NLGN4X: variants seen among roughly 807,000 people sequenced by gnomAD.
The protein encoded by NLGN4X is neuroligin 4 X-linked.
A neutral mutation model predicts 40.3 loss-of-function variants in NLGN4X; 3 were observed. The ratio of observed to expected loss-of-function variants is 0.07; its 90% CI spans 0.03 to 0.19. The LOEUF is 0.19. Among genes scored for constraint, NLGN4X ranks in the 10% least tolerant of loss-of-function variants. The pLI is 1.00. For synonymous variants in NLGN4X, 270 were observed against 306.8 expected, an observed-to-expected ratio of 0.88 and a Z score of 1.25; for missense variants, 382 against 708.3, an observed-to-expected ratio of 0.54 and a Z score of 5.23.
intron 1 of NLGN4X, among the ~76,000 whole-genome samples, chrX:6,176,709 C>A (rs1920958519): frequency 8.9e-6 from 1 of 112,080 alleles, no homozygotes; most frequent in Non-Finnish European, 1.9e-5. Context: ...TCTCTAGAAT[C>A]TGGAAAAGGC....
At chrX:6,086,790 C>A (rs1349181277) in intron 2 of NLGN4X, among the ~76,000 whole-genome samples, 1 of 110,635 alleles carries the variant, frequency 9.0e-6, no homozygotes, top group Non-Finnish European at 1.9e-5. Context: ...AGTCACCACG[C>A]CTGGCTAGAT....
chrX:6,121,287 T>C (rs773884854), intron 2 of NLGN4X, among the ~76,000 whole-genome samples: 2 of 102,185 alleles, frequency 2.0e-5, no homozygotes, highest in African/African-American at 3.7e-5. Flanking sequence ...AATTACCCTA[T>C]GACTAACATC....
At chrX:6,212,592 T>G (rs769606535) in intron 1 of NLGN4X, among the ~76,000 whole-genome samples, 1 of 111,785 alleles carries the variant, frequency 8.9e-6, no homozygotes, top group African/African-American at 3.2e-5. Flanking sequence ...GCCCCACTCT[T>G]AAGCTGTGGT....
At chrX:6,196,969 G>T (rs894823524) in intron 1 of NLGN4X, among the ~76,000 whole-genome samples, 7 of 111,704 alleles carry the variant, frequency 6.3e-5, no homozygotes, top group Non-Finnish European at 1.1e-4. Flanking sequence ...GATGCCATTT[G>T]GGTGCAAGGC....
chrX:5,973,692 G>A (rs1176108019), intron 3 of NLGN4X, among the ~76,000 whole-genome samples: 9 of 110,656 alleles, frequency 8.1e-5, no homozygotes, highest in African/African-American at 1.6e-4. Flanking sequence ...GTGTGGTGGC[G>A]GGCACCTGTA....
intron 1 of NLGN4X, among the ~76,000 whole-genome samples, chrX:6,198,500 T>G (rs1923325804): frequency 8.9e-6 from 1 of 111,956 alleles, no homozygotes; most frequent in South Asian, 3.7e-4. Context: ...GGACCATGAA[T>G]GTGCTGTGAG....
At chrX:5,981,631 G>T (rs2035391942) in intron 3 of NLGN4X, among the ~76,000 whole-genome samples, 1 of 110,078 alleles carries the variant, frequency 9.1e-6, no homozygotes, top group South Asian at 3.8e-4. Context: ...ATATATTTTT[G>T]AGTACACCAA....
At chrX:6,074,613 T>C (rs1263901158) in intron 2 of NLGN4X, among the ~76,000 whole-genome samples, 1 of 111,846 alleles carries the variant, frequency 8.9e-6, no homozygotes, top group Non-Finnish European at 1.9e-5. Context: ...TATCTGAGTT[T>C]GTGCCATTGT....
At chrX:6,044,579 T>C (rs2037264074) in intron 2 of NLGN4X, among the ~76,000 whole-genome samples, 1 of 110,521 alleles carries the variant, frequency 9.0e-6, no homozygotes, top group Non-Finnish European at 1.9e-5. Flanking sequence ...ACTGTAATGG[T>C]GGATTTATGT....
chrX:5,928,335 T>C (rs2033407932), intron 3 of NLGN4X, among the ~76,000 whole-genome samples: 1 of 112,025 alleles, frequency 8.9e-6, no homozygotes, highest in African/African-American at 3.2e-5. Flanking sequence ...ATATTCACAG[T>C]ATGTCTGTCT....
At chrX:5,934,361 C>A (rs947198616) in intron 3 of NLGN4X, among the ~76,000 whole-genome samples, 4 of 111,037 alleles carry the variant, frequency 3.6e-5, no homozygotes, top group African/African-American at 1.3e-4. Context: ...ACAGAGAAAA[C>A]CCCTTGTTTA....
intron 5 of NLGN4X, among the ~76,000 whole-genome samples, chrX:5,894,066 A>T (rs2031354346): frequency 8.9e-6 from 1 of 112,079 alleles, no homozygotes; most frequent in Admixed American, 9.4e-5. Context: ...TTTGCTCCAA[A>T]GGGATATTTG....
At chrX:6,111,426 C>T (rs1328282700) in intron 2 of NLGN4X, among the ~76,000 whole-genome samples, 1 of 111,181 alleles carries the variant, frequency 9.0e-6, no homozygotes, top group Non-Finnish European at 1.9e-5. Flanking sequence ...CCTGGACTTC[C>T]CAGGACCATG....
intron 1 of NLGN4X, among the ~76,000 whole-genome samples, chrX:6,225,765 G>A (rs1403686665): frequency 2.6e-5 from 2 of 75,586 alleles, no homozygotes; most frequent in East Asian, 8.6e-4. Context: ...ATTCTGAGAT[G>A]GGAGCTCACG....
At chrX:6,074,533 C>G (rs1304692113) in intron 2 of NLGN4X, among the ~76,000 whole-genome samples, 1 of 111,804 alleles carries the variant, frequency 8.9e-6, no homozygotes, top group Non-Finnish European at 1.9e-5. Flanking sequence ...GCTAGACAGT[C>G]AAGCAGAGGT....
At chrX:5,916,744 C>T (rs1300444115) in intron 3 of NLGN4X, among the ~76,000 whole-genome samples, 2 of 112,253 alleles carry the variant, frequency 1.8e-5, no homozygotes, top group African/African-American at 6.5e-5. Context: ...CCACTGCGTC[C>T]AGCCCATTTG....
intron 2 of NLGN4X, among the ~76,000 whole-genome samples, chrX:6,067,064 G>A (rs1423504442): frequency 1.8e-5 from 2 of 110,967 alleles, no homozygotes; most frequent in African/African-American, 6.6e-5. Flanking sequence ...AACTAGGATT[G>A]TACCACTGCA....
At chrX:5,990,596 T>G (rs187725176) in intron 3 of NLGN4X, among the ~76,000 whole-genome samples, 1 of 112,230 alleles carries the variant, frequency 8.9e-6, no homozygotes, top group Non-Finnish European at 1.9e-5. Flanking sequence ...TTTTTCCTTT[T>G]TCATGCATTC....
At chrX:6,143,468 C>T (rs929299869) in intron 2 of NLGN4X, among the ~76,000 whole-genome samples, 16 of 112,023 alleles carry the variant, frequency 1.4e-4, no homozygotes, top group African/African-American at 4.9e-4. Context: ...AAGGTGCAGC[C>T]GCGATCTTGA....
Sources: gnomAD v4.1 joint callset for allele counts (sites outside exome capture counted in the v4.1 genomes callset) on GRCh38, gnomAD v4.1.1 for gene constraint, MANE v1.5 for transcripts, NCBI Gene and HGNC (gene_info 2026-07-23, HGNC 2026-07-21) for gene names.